The following ANKS1B variants were observed in gnomAD, a reference collection of about 807,000 sequenced individuals.
ANKS1B encodes the protein ankyrin repeat and sterile alpha motif domain containing 1B.
In ANKS1B, 36 loss-of-function variants were observed where a neutral mutation model predicts 148.3. The observed-to-expected ratio is 0.24, with a 90% confidence interval of 0.19 to 0.32. The LOEUF is 0.32. Ranked by LOEUF, ANKS1B falls within the 10% of genes least tolerant of loss-of-function variation. The probability of loss-of-function intolerance (pLI) is 1.00; values close to 1 mark genes in which losing one functional copy is unlikely to be tolerated. For missense variants in ANKS1B, 1,157 were observed against 1,542.6 expected, an observed-to-expected ratio of 0.75 and a Z score of 4.19; for synonymous variants, 542 against 560.8, an observed-to-expected ratio of 0.97 and a Z score of 0.47.
intron 15 of ANKS1B, among the ~76,000 whole-genome samples, chr12:99,107,121 A>T (rs2059389047): frequency 6.6e-6 from 1 of 151,736 alleles, no homozygotes; most frequent in South Asian, 2.1e-4. Context: ...ATATAAATTA[A>T]TAATAAATAT....
At chr12:98,815,297 G>T (rs943411815) in intron 19 of ANKS1B, among the ~76,000 whole-genome samples, 2 of 151,998 alleles carry the variant, frequency 1.3e-5, no homozygotes, top group Non-Finnish European at 2.9e-5. Flanking sequence ...CTCTTTTCCT[G>T]TCCTCATCTG....
chr12:99,785,576 G>A (rs752761959), intron 4 of ANKS1B, among the ~76,000 whole-genome samples: 1 of 151,998 alleles, frequency 6.6e-6, no homozygotes, highest in Non-Finnish European at 1.5e-5. Flanking sequence ...TGAGATTAAG[G>A]CATGCGCCAC....
chr12:99,053,117 A>G, intron 17 of ANKS1B, 40 bp downstream of exon 17: 1 of 1,505,082 alleles, frequency 6.6e-7, no homozygotes, highest in Non-Finnish European at 8.9e-7. Context: ...TCATTTATCA[A>G]GGGTTGAATA....
chr12:98,987,874 T>G (rs1351421364), intron 17 of ANKS1B, among the ~76,000 whole-genome samples: 5 of 152,142 alleles, frequency 3.3e-5, no homozygotes, highest in Non-Finnish European at 5.9e-5. Flanking sequence ...GCAATAAGTT[T>G]CTGATAATAT....
At chr12:99,766,032 C>G (rs1412669160) in intron 8 of ANKS1B, among the ~76,000 whole-genome samples, 2 of 152,150 alleles carry the variant, frequency 1.3e-5, no homozygotes, top group Non-Finnish European at 2.9e-5. Context: ...GGTTGAGATT[C>G]CCATCATGAT....
At chr12:99,252,891 A>T (rs1343506642) in intron 12 of ANKS1B, among the ~76,000 whole-genome samples, 2 of 152,152 alleles carry the variant, frequency 1.3e-5, no homozygotes, top group Non-Finnish European at 2.9e-5. Flanking sequence ...CACAGGGTGA[A>T]AACACCAAAG....
At chr12:99,797,100 A>C (rs1482906870) in intron 4 of ANKS1B, among the ~76,000 whole-genome samples, 5 of 151,994 alleles carry the variant, frequency 3.3e-5, no homozygotes, top group Non-Finnish European at 7.4e-5. Flanking sequence ...CAATGTTGTC[A>C]CATAGTGTAC....
At chr12:98,973,226 T>TA in intron 17 of ANKS1B, among the ~76,000 whole-genome samples, 1 of 88,794 alleles carries the variant, frequency 1.1e-5, no homozygotes, top group African/African-American at 5.3e-5. Context: ...AAAAAAAAAA[T>TA]AATAAAGAAA....
At chr12:98,983,820 G>T (rs1225497369) in intron 17 of ANKS1B, among the ~76,000 whole-genome samples, 2 of 152,286 alleles carry the variant, frequency 1.3e-5, no homozygotes, top group East Asian at 3.9e-4. Context: ...GAGTTTCAAG[G>T]CCTGGGAATA....
intron 11 of ANKS1B, among the ~76,000 whole-genome samples, chr12:99,418,949 T>C (rs1333056091): frequency 6.6e-6 from 1 of 152,204 alleles, no homozygotes; most frequent in African/African-American, 2.4e-5. Context: ...ATTTCAAATA[T>C]TGAATGAGTT....
chr12:99,645,384 A>G (rs1355942876), intron 9 of ANKS1B, among the ~76,000 whole-genome samples: 4 of 152,192 alleles, frequency 2.6e-5, no homozygotes, highest in Non-Finnish European at 5.9e-5. Context: ...GTTATGGTTC[A>G]GAGTATCTCC....
intron 17 of ANKS1B, among the ~76,000 whole-genome samples, chr12:98,879,088 G>C (rs1395634843): frequency 6.6e-6 from 1 of 152,198 alleles, no homozygotes; most frequent in African/African-American, 2.4e-5. Flanking sequence ...TTAAGTTCTT[G>C]TTGTTAAACT....
intron 16 of ANKS1B, among the ~76,000 whole-genome samples, chr12:99,077,457 A>G (rs2372639): frequency 0.66 from 100,038 of 152,072 alleles, 33,185 homozygotes; most frequent in East Asian, 0.89. Context: ...GAGAGCATCT[A>G]TGCCTGTGGG....
rs143619793 is a variant in ANKS1B, at chr12:99,869,267, A to G, written c.135-43878T>C. Among the ~76,000 whole-genome samples the G allele has an allele frequency of 3.2e-3, 491 of 152,274 alleles. 8 individuals carry two copies. The highest frequency in any genetic ancestry group is 0.011 in the African/African-American group (459 of 41,556). On this transcript the variant is annotated intron_variant, in intron 1 of 26. Transcript: ENST00000683438. Reference sequence around the variant, plus strand: ...ATCAAGAGAATTTTGAAGAAGTGGGAGGAGGTACACCATCAGACAACTAGA... The same window carrying G: ...ATCAAGAGAATTTTGAAGAAGTGGGGGGAGGTACACCATCAGACAACTAGA...
At chr12:99,616,167 C>T (rs969237990) in intron 9 of ANKS1B, among the ~76,000 whole-genome samples, 4 of 152,142 alleles carry the variant, frequency 2.6e-5, no homozygotes, top group African/African-American at 9.7e-5. Context: ...AAAAACGTTC[C>T]ATGCTCATGG....
intron 17 of ANKS1B, among the ~76,000 whole-genome samples, chr12:98,998,298 T>A (rs1337353549): frequency 6.6e-6 from 1 of 152,206 alleles, no homozygotes; most frequent in Non-Finnish European, 1.5e-5. Flanking sequence ...CAGGGTGACT[T>A]AAGCACATTT....
chr12:99,360,067 T>C (rs950197031), intron 12 of ANKS1B, among the ~76,000 whole-genome samples: 4 of 152,150 alleles, frequency 2.6e-5, no homozygotes, highest in African/African-American at 7.2e-5. Flanking sequence ...AGTAAACTCT[T>C]AGCTTTTCTA....
chr12:98,879,275 T>G lies in ANKS1B; in HGVS notation c.2779-47139A>C, dbSNP rs113377927. Among the ~76,000 whole-genome samples the G allele has an allele frequency of 2.6e-3, 399 of 152,360 alleles. 5 individuals carry two copies. Among genetic ancestry groups the G allele is most frequent in the African/African-American group, 8.9e-3 (371 of 41,586 alleles). On this transcript the variant is annotated intron_variant, in intron 17 of 26. Coordinates refer to ENST00000683438, the MANE Select transcript of ANKS1B (RefSeq NM_001352186.2). ...ACTGTCAGAGGGCTATCCATCTATG[T>G]GTCTATCTAATATTTAGTCTTCAGA...
At chr12:99,937,579 G>A (rs1448820115) in intron 1 of ANKS1B, among the ~76,000 whole-genome samples, 1 of 152,092 alleles carries the variant, frequency 6.6e-6, no homozygotes, top group African/African-American at 2.4e-5. Flanking sequence ...ACTATGAAAA[G>A]AAGGCCTCCT....
Sources: allele counts gnomAD v4.1 joint callset (sites outside exome capture counted in the v4.1 genomes callset), GRCh38; gene constraint gnomAD v4.1.1; transcripts MANE v1.5; gene names NCBI Gene and HGNC (gene_info 2026-07-23, HGNC 2026-07-21).